DPYD: variants seen among roughly 807,000 people sequenced by gnomAD.
The protein encoded by DPYD is dihydropyrimidine dehydrogenase, also known as dihydropyrimidine dehydrogenase [NADP(+)].
In DPYD, 109 loss-of-function variants were observed where a neutral mutation model predicts 116.2. The observed-to-expected ratio is 0.94, with a 90% confidence interval of 0.80 to 1.10. The LOEUF (loss-of-function observed/expected upper bound fraction) is 1.10, where lower values mean the gene tolerates loss of function less well. Ranked by LOEUF, DPYD falls within the 50% of genes least tolerant of loss-of-function variation. DPYD has a pLI of 0.00. For synonymous variants in DPYD, 440 were observed against 432.0 expected, an observed-to-expected ratio of 1.02 and a Z score of -0.23; for missense variants, 1,302 against 1,254.5, an observed-to-expected ratio of 1.04 and a Z score of -0.57.
intron 2 of DPYD, among the ~76,000 whole-genome samples, chr1:97,859,550 A>G (rs1025824147): frequency 4.6e-5 from 7 of 152,238 alleles, no homozygotes; most frequent in African/African-American, 1.7e-4. Context: ...TCTCCTGTAC[A>G]GCCCACCACC....
At position 97,261,035 on chromosome 1, in the gene DPYD, T is replaced by A. The variant is rs565523271; in HGVS notation, c.2300-26041A>T. The stretch of plus-strand genomic sequence containing the variant: ...TTTTCACAGAATGAAGAGATAATCG[T>A]TCACCATAAGTAAACAGTTTGTAAA... On this transcript the variant is annotated intron_variant, in intron 18 of 22. Transcript: ENST00000370192. Among the ~76,000 whole-genome samples, 3 of 152,250 alleles carry A rather than the reference T, an allele frequency of 2.0e-5. No individual in the cohort carries two copies. The South Asian group carries it at 6.2e-4, about 32-fold the overall frequency.
intron 14 of DPYD, among the ~76,000 whole-genome samples, chr1:97,413,739 G>C (rs1054363901): frequency 1.6e-4 from 25 of 152,080 alleles, no homozygotes; most frequent in Middle Eastern, 3.2e-3. Context: ...CTCCCAAAGT[G>C]CTGGGATTAC....
intron 3 of DPYD, among the ~76,000 whole-genome samples, chr1:97,814,930 G>GAA (rs1553245539): frequency 2.7e-5 from 3 of 109,754 alleles, no homozygotes; most frequent in Admixed American, 1.1e-4. Flanking sequence ...AAGAAAGAGA[G>GAA]AGGAAAGAAA....
intron 12 of DPYD, among the ~76,000 whole-genome samples, chr1:97,535,463 GAACTAAGGTT>G (rs1315480723): frequency 6.6e-6 from 1 of 152,054 alleles, no homozygotes; most frequent in Non-Finnish European, 1.5e-5. Context: ...CCATCAACAT[GAACTAAGGTT>G]AGATTCCCTA....
intron 13 of DPYD, among the ~76,000 whole-genome samples, chr1:97,495,277 G>T (rs1322211580): frequency 6.6e-6 from 1 of 152,094 alleles, no homozygotes; most frequent in East Asian, 1.9e-4. Context: ...ACTTTGGGGA[G>T]ATACAGTTGG....
intron 18 of DPYD, among the ~76,000 whole-genome samples, chr1:97,279,475 G>A (rs1185160832): frequency 6.6e-6 from 1 of 151,674 alleles, no homozygotes; most frequent in Non-Finnish European, 1.5e-5. Context: ...GGTTTCTAGT[G>A]GTCCACTGGA....
At chr1:97,875,869 T>C (rs1355037148) in intron 2 of DPYD, among the ~76,000 whole-genome samples, 2 of 152,034 alleles carry the variant, frequency 1.3e-5, no homozygotes, top group African/African-American at 4.8e-5. Context: ...AACTTTTATT[T>C]TTCTAATTCA....
intron 8 of DPYD, among the ~76,000 whole-genome samples, chr1:97,597,058 TGGGTTGGAGGGATG>T (rs1249698888): frequency 6.6e-6 from 1 of 152,160 alleles, no homozygotes; most frequent in Admixed American, 6.5e-5. Flanking sequence ...TTAGAAAACC[TGGGTTGGAGGGATG>T]GGGTTGGTAA....
rs927631751 is a variant in DPYD at position 97,277,613 on chromosome 1, T to C, written c.2299+27646A>G. Among the ~76,000 whole-genome samples, 11 of 152,248 alleles carry C rather than the reference T, an allele frequency of 7.2e-5. No individual in the cohort carries two copies. The South Asian group carries it at 1.5e-3, about 20-fold the overall frequency. On this transcript the variant is annotated intron_variant, in intron 18 of 22. Coordinates refer to ENST00000370192, the MANE Select transcript of DPYD (RefSeq NM_000110.4). ...ACATTCAACCCATCAGTTAATCCCA[T>C]TGACCTTCTCTAAAACATATTCTGA...
intron 18 of DPYD, among the ~76,000 whole-genome samples, chr1:97,289,345 G>A (rs562888297): frequency 2.0e-5 from 3 of 152,188 alleles, no homozygotes; most frequent in African/African-American, 7.2e-5. Context: ...TATGAGGCCA[G>A]CATCATCCTG....
At chr1:97,802,464 A>G (rs1386044997) in intron 3 of DPYD, among the ~76,000 whole-genome samples, 7 of 151,858 alleles carry the variant, frequency 4.6e-5, no homozygotes, top group Admixed American at 4.6e-4. Flanking sequence ...CTTCTGCAGT[A>G]GGAACTTTGG....
intron 3 of DPYD, among the ~76,000 whole-genome samples, chr1:97,784,424 A>G (rs1666911430): frequency 6.6e-6 from 1 of 152,216 alleles, no homozygotes; most frequent in Admixed American, 6.5e-5. Context: ...TGAAGAGGAC[A>G]TAAAGAACAA....
At chr1:97,406,565 C>T (rs1462146823) in intron 14 of DPYD, among the ~76,000 whole-genome samples, 1 of 149,524 alleles carries the variant, frequency 6.7e-6, no homozygotes, top group Non-Finnish European at 1.5e-5. Flanking sequence ...CCCCCACCCC[C>T]CGACAGGCCC....
At chr1:97,100,228 C>T (rs1375099054) in intron 20 of DPYD, among the ~76,000 whole-genome samples, 2 of 151,934 alleles carry the variant, frequency 1.3e-5, no homozygotes, top group Admixed American at 1.3e-4. Flanking sequence ...ATATAAGCAT[C>T]CTTAAAAGAC....
intron 20 of DPYD, among the ~76,000 whole-genome samples, chr1:97,113,588 C>A (rs145002804): frequency 1.3e-5 from 2 of 151,942 alleles, no homozygotes; most frequent in African/African-American, 4.8e-5. Context: ...AACGTCTTTC[C>A]AAGACAATGT....
chr1:97,822,339 T>G (rs1018832129), intron 3 of DPYD, among the ~76,000 whole-genome samples: 3 of 148,018 alleles, frequency 2.0e-5, no homozygotes, highest in Non-Finnish European at 4.5e-5. Context: ...TACACAGATT[T>G]TATATACTTT....
chr1:97,249,138 C>T (rs1007451548), intron 18 of DPYD, among the ~76,000 whole-genome samples: 5 of 152,072 alleles, frequency 3.3e-5, no homozygotes, highest in Admixed American at 6.6e-5. Flanking sequence ...TGTAGATTAG[C>T]AAAAACAATC....
At chr1:97,833,170 C>T (rs540367315) in intron 2 of DPYD, among the ~76,000 whole-genome samples, 1 of 151,776 alleles carries the variant, frequency 6.6e-6, no homozygotes, top group East Asian at 1.9e-4. Flanking sequence ...AATTAGGAAA[C>T]CAATTTTAAC....
intron 2 of DPYD, among the ~76,000 whole-genome samples, chr1:97,857,267 G>A (rs1003108512): frequency 6.6e-6 from 1 of 152,132 alleles, no homozygotes; most frequent in African/African-American, 2.4e-5. Context: ...CTATCATGGA[G>A]TATATATCTT....
Sources: allele counts gnomAD v4.1 joint callset (sites outside exome capture counted in the v4.1 genomes callset), GRCh38; gene constraint gnomAD v4.1.1; transcripts MANE v1.5; gene names NCBI Gene and HGNC (gene_info 2026-07-23, HGNC 2026-07-21).